The following SLC71A2 variants were observed in gnomAD, a reference collection of about 807,000 sequenced individuals.
SLC71A2 encodes hippocampus abundant transcript-like 1.
chr9:94,390,567 G>A, the SLC71A2 span, among the ~76,000 whole-genome samples: 1 of 152,038 alleles, frequency 6.6e-6, no homozygotes, highest in Non-Finnish European at 1.5e-5. Flanking sequence ...GCTCAGCTTA[G>A]GAAGATGAAA....
the SLC71A2 span, among the ~76,000 whole-genome samples, chr9:94,394,212 G>A: frequency 8.9e-6 from 1 of 112,116 alleles, no homozygotes; most frequent in African/African-American, 3.1e-5. Context: ...CAATGAGATA[G>A]GCATGCCATT....
At chr9:94,403,121 T>C in the SLC71A2 span, among the ~76,000 whole-genome samples, 10 of 152,192 alleles carry the variant, frequency 6.6e-5, no homozygotes, top group African/African-American at 2.4e-4. Context: ...ATTTGATTTT[T>C]TGTGACTGGC....
chr9:94,460,221 T>G, the SLC71A2 span: 7 of 152,534 alleles, frequency 4.6e-5, no homozygotes, highest in African/African-American at 9.7e-5. Flanking sequence ...AAGAAAGTTA[T>G]TAACAATTTG....
At chr9:94,403,504 T>C in the SLC71A2 span, among the ~76,000 whole-genome samples, 2 of 104,580 alleles carry the variant, frequency 1.9e-5, no homozygotes, top group Non-Finnish European at 4.3e-5. Context: ...GTCAGTTTCC[T>C]TTTTTTTTTT....
chr9:94,405,754 A>G, the SLC71A2 span, among the ~76,000 whole-genome samples: 3 of 151,906 alleles, frequency 2.0e-5, no homozygotes, highest in African/African-American at 7.2e-5. Context: ...TTTCTTTTTC[A>G]AGATTGTTTT....
At chr9:94,456,098 A>T in the SLC71A2 span, 2 of 570,678 alleles carry the variant, frequency 3.5e-6, no homozygotes, top group Non-Finnish European at 6.1e-6. Flanking sequence ...TTAAAAAAAA[A>T]ATGCATTTTT....
chr9:94,453,164 T>C, the SLC71A2 span, among the ~76,000 whole-genome samples: 1 of 151,294 alleles, frequency 6.6e-6, no homozygotes, highest in Admixed American at 6.6e-5. Context: ...TTTTTTTTTT[T>C]TTTGACACGG....
the SLC71A2 span, among the ~76,000 whole-genome samples, chr9:94,378,256 T>C: frequency 3.3e-5 from 5 of 151,732 alleles, no homozygotes; most frequent in African/African-American, 4.8e-5. Context: ...AGCACCAGCA[T>C]CTGTTTCTGG....
chr9:94,419,802 T>G, the SLC71A2 span, among the ~76,000 whole-genome samples: 1 of 152,326 alleles, frequency 6.6e-6, no homozygotes, highest in East Asian at 1.9e-4. Context: ...AGTAACTTGC[T>G]TGGACTAAAT....
the SLC71A2 span, among the ~76,000 whole-genome samples, chr9:94,457,109 C>T: frequency 0.18 from 27,808 of 151,938 alleles, 3,444 homozygotes; most frequent in Non-Finnish European, 0.26. Context: ...GGACTAGAGA[C>T]GCACACTACC....
At chr9:94,427,929 C>T in the SLC71A2 span, among the ~76,000 whole-genome samples, 39 of 150,808 alleles carry the variant, frequency 2.6e-4, no homozygotes, top group Non-Finnish European at 1.2e-4. Context: ...CAAGACCAGC[C>T]TGGCCAATAT....
chr9:94,445,114 C>T, the SLC71A2 span: 1 of 1,614,230 alleles, frequency 6.2e-7, no homozygotes, highest in Middle Eastern at 1.6e-4. Flanking sequence ...TCCAGAATCT[C>T]TGCCTGAGAA....
chr9:94,442,137 A>C, the SLC71A2 span, among the ~76,000 whole-genome samples: 3 of 152,190 alleles, frequency 2.0e-5, no homozygotes, highest in Non-Finnish European at 2.9e-5. Flanking sequence ...GTTGTGGGGA[A>C]TAGGTTGGAG....
the SLC71A2 span, among the ~76,000 whole-genome samples, chr9:94,450,981 C>T: frequency 3.3e-5 from 5 of 152,140 alleles, no homozygotes; most frequent in African/African-American, 1.2e-4. Context: ...TTTAACTGGT[C>T]TCCAGTGGTC....
the SLC71A2 span, chr9:94,433,280 C>G: frequency 1.2e-5 from 2 of 166,568 alleles, no homozygotes; most frequent in Non-Finnish European, 2.6e-5. Context: ...GCCCTCGGAT[C>G]CCCCTGGACT....
the SLC71A2 span, among the ~76,000 whole-genome samples, chr9:94,379,786 A>C: frequency 2.0e-5 from 3 of 152,320 alleles, no homozygotes; most frequent in East Asian, 5.8e-4. Flanking sequence ...GCACGTGTTG[A>C]TAATTTTATA....
the SLC71A2 span, chr9:94,438,369 A>G: frequency 5.6e-6 from 9 of 1,614,054 alleles, no homozygotes; most frequent in Middle Eastern, 1.7e-4. Context: ...ATCAGATTAT[A>G]AAACTAACCT....
the SLC71A2 span, among the ~76,000 whole-genome samples, chr9:94,452,725 AAT>A: frequency 2.0e-5 from 2 of 99,646 alleles, no homozygotes; most frequent in African/African-American, 5.5e-5. Context: ...ATATATATAT[AAT>A]AGATATTATA....
the SLC71A2 span, among the ~76,000 whole-genome samples, chr9:94,424,837 T>C: frequency 1.4e-5 from 2 of 146,116 alleles, no homozygotes; most frequent in Non-Finnish European, 3.0e-5. Flanking sequence ...CCTCCTGGGT[T>C]CAAGTGATTC....
Sources: allele counts gnomAD v4.1 joint callset (sites outside exome capture counted in the v4.1 genomes callset), GRCh38; gene constraint gnomAD v4.1.1; transcripts MANE v1.5; gene names NCBI Gene and HGNC (gene_info 2026-07-23, HGNC 2026-07-21).